The following CDH13 variants were observed in gnomAD, a reference collection of about 807,000 sequenced individuals.
CDH13 encodes cadherin 13.
Under a neutral mutation model 63.8 loss-of-function variants are expected in CDH13, and 24 were observed. The ratio of observed to expected loss-of-function variants is 0.38; its 90% CI spans 0.27 to 0.53. The LOEUF is 0.53. Ranked by LOEUF, CDH13 falls within the 20% of genes least tolerant of loss-of-function variation. The probability of loss-of-function intolerance (pLI) is 0.85; values close to 1 mark genes in which losing one functional copy is unlikely to be tolerated. For missense variants in CDH13, 1,049 were observed against 903.1 expected, an observed-to-expected ratio of 1.16 and a Z score of -2.07; for synonymous variants, 503 against 355.3, an observed-to-expected ratio of 1.42 and a Z score of -4.67.
chr16:82,735,754 A>G (rs972945149), intron 1 of CDH13, among the ~76,000 whole-genome samples: 3 of 152,186 alleles, frequency 2.0e-5, no homozygotes, highest in South Asian at 4.1e-4. Flanking sequence ...ACTTTATCAC[A>G]TTCCTTCCCA....
At chr16:82,627,559 A>G (rs1300941515) in intron 1 of CDH13, among the ~76,000 whole-genome samples, 1 of 152,020 alleles carries the variant, frequency 6.6e-6, no homozygotes, top group Non-Finnish European at 1.5e-5. Flanking sequence ...CCCAACGCCC[A>G]GCGGCCGAAG....
chr16:83,540,051 G>C (rs2075270537), intron 7 of CDH13, among the ~76,000 whole-genome samples: 2 of 149,162 alleles, frequency 1.3e-5, no homozygotes. Context: ...AATTCTTTAT[G>C]TTATTGTCAA....
chr16:83,078,007 G>C (rs1022167130), intron 3 of CDH13, among the ~76,000 whole-genome samples: 21 of 152,124 alleles, frequency 1.4e-4, no homozygotes, highest in Non-Finnish European at 2.9e-4. Flanking sequence ...GGAACATTTT[G>C]TTCGTTTATT....
At chr16:83,506,881 A>T (rs2074408821) in intron 7 of CDH13, among the ~76,000 whole-genome samples, 1 of 152,204 alleles carries the variant, frequency 6.6e-6, no homozygotes, top group African/African-American at 2.4e-5. Flanking sequence ...TAGACCTTCT[A>T]GCCCCCATCA....
Position 83,689,861 on chromosome 16 carries a change from T to C in CDH13, c.1538+11400T>C, listed in dbSNP as rs12446553. Among the ~76,000 whole-genome samples the C allele has an allele frequency of 9.1e-3, 1,381 of 152,314 alleles. 65 individuals carry two copies. Among genetic ancestry groups the C allele is most frequent in the Admixed American group, 0.071 (1,081 of 15,304 alleles). On this transcript the variant is annotated intron_variant, in intron 10 of 13. Transcript: ENST00000567109. Reference sequence around the variant, plus strand: ...AACATACTGGGTGCTTTTCTAGGCATTGGGGGATAAAGTAGCCCCAGAAAC... The same window carrying C: ...AACATACTGGGTGCTTTTCTAGGCACTGGGGGATAAAGTAGCCCCAGAAAC...
chr16:83,537,509 A>C (rs2075216093), intron 7 of CDH13, among the ~76,000 whole-genome samples: 1 of 152,168 alleles, frequency 6.6e-6, no homozygotes, highest in African/African-American at 2.4e-5. Context: ...TTGGAATATG[A>C]GGGAGATAGG....
At chr16:82,632,244 G>A (rs1312336575) in intron 1 of CDH13, among the ~76,000 whole-genome samples, 1 of 152,152 alleles carries the variant, frequency 6.6e-6, no homozygotes, top group African/African-American at 2.4e-5. Flanking sequence ...GGCTTTTTGA[G>A]TTTGGGACCT....
At chr16:83,523,715 G>A (rs908803614) in intron 7 of CDH13, among the ~76,000 whole-genome samples, 25 of 152,278 alleles carry the variant, frequency 1.6e-4, no homozygotes, top group African/African-American at 5.8e-4. Flanking sequence ...GGGCATGTCC[G>A]GTTGCACATC....
At chr16:82,842,178 A>G (rs368755574) in intron 1 of CDH13, among the ~76,000 whole-genome samples, 5,423 of 133,458 alleles carry the variant, frequency 0.041, 201 homozygotes, top group Non-Finnish European at 0.057. Context: ...ACACACACAT[A>G]TATATACACA....
At chr16:83,752,254 C>T (rs369257110) in intron 11 of CDH13, among the ~76,000 whole-genome samples, 2 of 152,238 alleles carry the variant, frequency 1.3e-5, no homozygotes, top group African/African-American at 4.8e-5. Flanking sequence ...AATTATAAAT[C>T]CAAAGAAACT....
chr16:83,740,524 G>T (rs769016337), intron 10 of CDH13, among the ~76,000 whole-genome samples: 1 of 152,154 alleles, frequency 6.6e-6, no homozygotes, highest in Non-Finnish European at 1.5e-5. Flanking sequence ...TATATTACTT[G>T]TTGTCATGGT....
At chr16:83,229,672 G>A (rs568986922) in intron 5 of CDH13, among the ~76,000 whole-genome samples, 82 of 152,144 alleles carry the variant, frequency 5.4e-4, no homozygotes, top group Middle Eastern at 6.8e-3. Context: ...GATCATTTCC[G>A]TATTTTTCTT....
intron 5 of CDH13, among the ~76,000 whole-genome samples, chr16:83,278,319 C>G (rs547296869): frequency 2.8e-4 from 43 of 152,242 alleles, no homozygotes; most frequent in African/African-American, 1.0e-3. Flanking sequence ...TTAGCTCTTC[C>G]CCATTCACCA....
At chr16:82,705,291 A>T (rs899638782) in intron 1 of CDH13, 1 of 378,448 alleles carries the variant, frequency 2.6e-6, no homozygotes, top group African/African-American at 2.1e-5. Flanking sequence ...TGTCCAATAT[A>T]TTCTTACTTA....
chr16:82,780,054 C>T (rs1006427301), intron 1 of CDH13, among the ~76,000 whole-genome samples: 14 of 152,136 alleles, frequency 9.2e-5, no homozygotes, highest in African/African-American at 3.4e-4. Context: ...GTGATTTCGC[C>T]AAACAAAACA....
intron 6 of CDH13, among the ~76,000 whole-genome samples, chr16:83,389,033 G>C (rs1360147005): frequency 6.6e-6 from 1 of 152,114 alleles, no homozygotes; most frequent in Non-Finnish European, 1.5e-5. Context: ...GAGCCGACAG[G>C]GAAGGGCTCT....
At chr16:82,670,298 G>A (rs930304467) in intron 1 of CDH13, among the ~76,000 whole-genome samples, 4 of 152,210 alleles carry the variant, frequency 2.6e-5, no homozygotes, top group African/African-American at 7.2e-5. Context: ...TTTGGTAGGC[G>A]ACTTAGAACA....
intron 4 of CDH13, among the ~76,000 whole-genome samples, chr16:83,159,890 C>T (rs975571165): frequency 1.3e-5 from 2 of 152,072 alleles, no homozygotes; most frequent in Admixed American, 6.6e-5. Context: ...GCCTGGCCAA[C>T]ATGGCGAAAA....
chr16:82,910,023 A>G (rs993948269), intron 2 of CDH13, among the ~76,000 whole-genome samples: 1 of 152,142 alleles, frequency 6.6e-6, no homozygotes, highest in African/African-American at 2.4e-5. Context: ...ACTGAAATGT[A>G]CTTGGAAGTA....
Sources: allele counts gnomAD v4.1 joint callset (sites outside exome capture counted in the v4.1 genomes callset), GRCh38; gene constraint gnomAD v4.1.1; transcripts MANE v1.5; gene names NCBI Gene and HGNC (gene_info 2026-07-23, HGNC 2026-07-21).